Variants in PRKAR2B observed in about 807,000 individuals in gnomAD.
The protein encoded by PRKAR2B is cAMP-dependent protein kinase type II-beta regulatory subunit.
PRKAR2B carries 14 observed loss-of-function variants against 49.9 expected under a neutral mutation model. That is an observed-to-expected ratio of 0.28 (90% CI 0.19 to 0.44). The LOEUF is 0.44. PRKAR2B is among the 20% of genes least tolerant of loss of function. PRKAR2B has a pLI of 1.00. For missense variants in PRKAR2B, 393 were observed against 537.9 expected (o/e 0.73, Z 2.67); for synonymous variants, 196 against 197.7 (o/e 0.99, Z 0.07).
chr7:107,159,663 C>A lies in PRKAR2B; in HGVS notation c.*81C>A. The A allele has an allele frequency of 7.0e-7, 1 of 1,429,356 alleles. No individual in the cohort carries two copies. The highest frequency in any genetic ancestry group is 9.5e-7 in the Non-Finnish European group (1 of 1,051,384). The allele number at this position is 1,429,356 out of a possible 1,614,324, so 88.5% of individuals were successfully genotyped here. On this transcript the variant is annotated 3_prime_UTR_variant, in exon 11 of 11. Transcript: ENST00000265717. ...CACTGAGAATGTGTTTGTGTAGATG[C>A]CAAGCATTTTCTGTGATTTCAGGTT...
At chr7:107,075,712 A>G (rs1444098874) in intron 2 of PRKAR2B, among the ~76,000 whole-genome samples, 2 of 152,050 alleles carry the variant, frequency 1.3e-5, no homozygotes, top group Non-Finnish European at 2.9e-5. Context: ...CCCAGCAGAG[A>G]GTCTAGGCTT....
rs546228724 is a variant in PRKAR2B, at chr7:107,142,331, C to A, written c.587+1378C>A. Among the ~76,000 whole-genome samples the A allele has an allele frequency of 1.1e-4, 16 of 152,236 alleles. No individual in the cohort carries two copies. The South Asian group carries it at 3.3e-3, about 32-fold the overall frequency. On this transcript the variant is annotated intron_variant, in intron 5 of 10. Coordinates refer to ENST00000265717, the MANE Select transcript of PRKAR2B (RefSeq NM_002736.3). ...GGTGACCTGTGGCTGAAGCACTAGC[C>A]AGGATTTTAGAATAGAATAAACCAG...
intron 2 of PRKAR2B, among the ~76,000 whole-genome samples, chr7:107,097,527 A>G (rs953497388): frequency 2.0e-5 from 3 of 152,120 alleles, no homozygotes; most frequent in Non-Finnish European, 4.4e-5. Flanking sequence ...TAATAATGTT[A>G]TGTGTAAATT....
chr7:107,086,148 G>T (rs569764719), intron 2 of PRKAR2B, among the ~76,000 whole-genome samples: 2 of 152,030 alleles, frequency 1.3e-5, no homozygotes, highest in Non-Finnish European at 2.9e-5. Context: ...ATTGTTGACC[G>T]TTTATATTTT....
At chr7:107,079,359 GGT>G (rs1441144894) in intron 2 of PRKAR2B, 1 of 151,838 alleles carries the variant, frequency 6.6e-6, no homozygotes, top group Non-Finnish European at 1.5e-5. Context: ...ATACAACCGT[GGT>G]GTGTGCTACA....
intron 2 of PRKAR2B, among the ~76,000 whole-genome samples, chr7:107,090,017 T>A (rs1301632992): frequency 6.6e-6 from 1 of 152,244 alleles, no homozygotes; most frequent in Non-Finnish European, 1.5e-5. Flanking sequence ...TGTCTTGTTT[T>A]CCTTGTCATG....
intron 2 of PRKAR2B, among the ~76,000 whole-genome samples, chr7:107,103,921 C>G (rs538879046): frequency 1.8e-4 from 27 of 152,340 alleles, no homozygotes; most frequent in African/African-American, 6.0e-4. Context: ...TTAAAGGCTC[C>G]TGATTATTCC....
chr7:107,146,379 G>A lies in PRKAR2B; in HGVS notation c.659G>A (p.Ser220Asn), dbSNP rs751394789. 6.2e-7 allele frequency: 1 copy of A among 1,614,200 alleles called. No individual in the cohort carries two copies. Among genetic ancestry groups the A allele is most frequent in the Admixed American group, 1.7e-5 (1 of 60,022 alleles). Residue 220 changes from serine (S) to asparagine (N), a missense_variant, in exon 6 of 11, where the codon AGT becomes AAT. Transcript: ENST00000265717. ...GTTGGTAACTATGATAATCGTGGGA[G>A]TTTCGGCGAACTGGCCTTAATGTAC... is the stretch of plus-strand genomic sequence containing the variant. ...RCVGNYDNRG[S>N]FGELALMYNT...
intron 4 of PRKAR2B, 73 bp downstream of exon 4, chr7:107,128,368 C>A: frequency 8.5e-7 from 1 of 1,182,352 alleles, no homozygotes; most frequent in Admixed American, 2.0e-5. Flanking sequence ...TGTACAGGGT[C>A]TTGAGTTTTG....
chr7:107,072,269 C>T (rs1018865703), intron 2 of PRKAR2B, among the ~76,000 whole-genome samples: 4 of 151,766 alleles, frequency 2.6e-5, no homozygotes, highest in African/African-American at 9.7e-5. Context: ...TCAGGAGTCA[C>T]GCTGTATACA....
At chr7:107,150,636 G>A (rs1795966544) in intron 6 of PRKAR2B, among the ~76,000 whole-genome samples, 2 of 150,900 alleles carry the variant, frequency 1.3e-5, no homozygotes, top group Non-Finnish European at 1.5e-5. Flanking sequence ...CCTCCTTGTG[G>A]GCAGAACCCA....
intron 4 of PRKAR2B, among the ~76,000 whole-genome samples, chr7:107,137,204 G>C (rs1351221350): frequency 6.6e-6 from 1 of 152,206 alleles, no homozygotes; most frequent in Non-Finnish European, 1.5e-5. Flanking sequence ...AACAGTCCCA[G>C]TTATGGCCTC....
intron 3 of PRKAR2B, among the ~76,000 whole-genome samples, chr7:107,126,087 T>TAAAAAAAAAA (rs34333619): frequency 4.9e-5 from 4 of 82,258 alleles, no homozygotes; most frequent in Admixed American, 1.5e-4. Context: ...GACTGTGTCT[T>TAAAAAAAAAA]AAAAAAAAAA....
Position 107,044,752 on chromosome 7 carries a change from G to T in PRKAR2B, c.-156G>T. The T allele has an allele frequency of 3.9e-6, 1 of 256,606 alleles. No homozygotes were observed. The highest frequency in any genetic ancestry group is 1.3e-4 in the South Asian group (1 of 7,712). The allele number at this position is 256,606 out of a possible 1,614,324, so 15.9% of individuals were successfully genotyped here. The stretch of plus-strand genomic sequence containing the variant: ...GGAGCAGACGCGCGCCGGGAGCCGC[G>T]GGCCGGGCCAGCCGGGCCGCCGGGG... On this transcript the variant is annotated 5_prime_UTR_variant, in exon 1 of 11. Coordinates refer to ENST00000265717, the MANE Select transcript of PRKAR2B (RefSeq NM_002736.3).
intron 2 of PRKAR2B, among the ~76,000 whole-genome samples, chr7:107,076,083 C>T (rs1584414215): frequency 6.6e-6 from 1 of 152,160 alleles, no homozygotes; most frequent in South Asian, 2.1e-4. Context: ...CAGTGAGCGC[C>T]TTTATCTAGG....
At chr7:107,077,834 C>G (rs552196012) in intron 2 of PRKAR2B, 2 of 152,168 alleles carry the variant, frequency 1.3e-5, no homozygotes, top group African/African-American at 2.4e-5. Context: ...CTTAGTTTCT[C>G]TGGGTATAAA....
intron 2 of PRKAR2B, among the ~76,000 whole-genome samples, chr7:107,104,061 C>T (rs185923214): frequency 1.5e-4 from 23 of 152,092 alleles, no homozygotes; most frequent in Non-Finnish European, 2.6e-4. Context: ...GACGGAGTCT[C>T]GCACTTTTGG....
chr7:107,145,733 ATTTTTTT>A (rs916332834), intron 5 of PRKAR2B, among the ~76,000 whole-genome samples: 22 of 93,438 alleles, frequency 2.4e-4, no homozygotes, highest in African/African-American at 9.4e-4. Context: ...TCTTCAGATG[ATTTTTTT>A]TTTTTTTTTT....
At chr7:107,127,010 A>C (rs1386059274) in intron 3 of PRKAR2B, among the ~76,000 whole-genome samples, 1 of 152,216 alleles carries the variant, frequency 6.6e-6, no homozygotes, top group Non-Finnish European at 1.5e-5. Context: ...TGGTATATAT[A>C]TCAATAGTTT....
Sources: gnomAD v4.1 joint callset for allele counts (sites outside exome capture counted in the v4.1 genomes callset) on GRCh38, gnomAD v4.1.1 for gene constraint, MANE v1.5 for transcripts, NCBI Gene and HGNC (gene_info 2026-07-23, HGNC 2026-07-21) for gene names.